Variants in NALF1 observed in about 807,000 individuals in gnomAD.
The protein encoded by NALF1 is NALCN channel auxiliary factor 1.
Under a neutral mutation model 48.4 loss-of-function variants are expected in NALF1, and 3 were observed. The ratio of observed to expected loss-of-function variants is 0.06; its 90% CI spans 0.03 to 0.16. The LOEUF is 0.16. Among genes scored for constraint, NALF1 ranks in the 10% least tolerant of loss-of-function variants. The pLI is 1.00. For synonymous variants in NALF1, 262 were observed against 245.7 expected, an observed-to-expected ratio of 1.07 and a Z score of -0.62; for missense variants, 526 against 571.5, an observed-to-expected ratio of 0.92 and a Z score of 0.81.
At chr13:107,736,155 T>C (rs1054121375) in intron 1 of NALF1, among the ~76,000 whole-genome samples, 3 of 150,224 alleles carry the variant, frequency 2.0e-5, no homozygotes, top group Admixed American at 6.8e-5. Flanking sequence ...TCTCTGACAA[T>C]TGCACCAAGA....
At chr13:107,845,443 TAGTC>T (rs1425144149) in intron 1 of NALF1, among the ~76,000 whole-genome samples, 1 of 152,118 alleles carries the variant, frequency 6.6e-6, no homozygotes, top group Non-Finnish European at 1.5e-5. Flanking sequence ...ACCTCAGCCT[TAGTC>T]AGCTTGCCCA....
At chr13:107,427,665 AG>A (rs1216600087) in intron 1 of NALF1, among the ~76,000 whole-genome samples, 6 of 152,208 alleles carry the variant, frequency 3.9e-5, no homozygotes, top group Non-Finnish European at 8.8e-5. Flanking sequence ...TGAAACAAAA[AG>A]CTTGCATTGT....
chr13:107,535,222 A>C (rs919788549), intron 1 of NALF1, among the ~76,000 whole-genome samples: 7 of 152,096 alleles, frequency 4.6e-5, no homozygotes, highest in African/African-American at 1.7e-4. Context: ...ACTATGTTGA[A>C]TAGGAGTGGT....
chr13:107,376,093 G>A (rs11617046), intron 1 of NALF1, among the ~76,000 whole-genome samples: 44,630 of 151,986 alleles, frequency 0.29, 7,995 homozygotes, highest in Admixed American at 0.44. Context: ...CTCATCATTT[G>A]GACAATCAAG....
intron 1 of NALF1, among the ~76,000 whole-genome samples, chr13:107,854,439 A>G (rs1424430589): frequency 6.6e-6 from 1 of 152,204 alleles, no homozygotes; most frequent in African/African-American, 2.4e-5. Flanking sequence ...GCTGTTCACT[A>G]CGGCCGGAGA....
chr13:107,755,565 G>C (rs771574291), intron 1 of NALF1, among the ~76,000 whole-genome samples: 1 of 150,020 alleles, frequency 6.7e-6, no homozygotes, highest in Admixed American at 6.7e-5. Context: ...TTACATACTA[G>C]ATTCTAGAGG....
chr13:107,174,763 C>G (rs1878882503), intron 2 of NALF1, among the ~76,000 whole-genome samples: 1 of 152,062 alleles, frequency 6.6e-6, no homozygotes, highest in Admixed American at 6.6e-5. Flanking sequence ...GAGGGAGAAG[C>G]AGGATGTGGC....
intron 1 of NALF1, among the ~76,000 whole-genome samples, chr13:107,333,655 G>C (rs995447885): frequency 6.6e-6 from 1 of 152,190 alleles, no homozygotes; most frequent in Non-Finnish European, 1.5e-5. Context: ...GGCTGGATCT[G>C]GAAAAAGACC....
At chr13:107,565,540 AT>A (rs947382219) in intron 1 of NALF1, among the ~76,000 whole-genome samples, 1 of 152,240 alleles carries the variant, frequency 6.6e-6, no homozygotes, top group Non-Finnish European at 1.5e-5. Context: ...ACACGAAGAT[AT>A]TTTGAGAAGA....
At chr13:107,556,015 A>T (rs1877463478) in intron 1 of NALF1, among the ~76,000 whole-genome samples, 2 of 152,074 alleles carry the variant, frequency 1.3e-5, no homozygotes, top group African/African-American at 4.8e-5. Context: ...TCATATTCTA[A>T]ATCAATAAAT....
intron 1 of NALF1, among the ~76,000 whole-genome samples, chr13:107,293,983 T>G (rs1431549856): frequency 6.6e-6 from 1 of 152,220 alleles, no homozygotes; most frequent in Non-Finnish European, 1.5e-5. Flanking sequence ...GATTTCAGCT[T>G]GCCTTAGACC....
At chr13:107,817,860 T>C (rs1266110654) in intron 1 of NALF1, among the ~76,000 whole-genome samples, 2 of 152,176 alleles carry the variant, frequency 1.3e-5, no homozygotes, top group African/African-American at 4.8e-5. Context: ...TTTGTTTATT[T>C]GCATCATAGT....
chr13:107,224,307 A>C (rs1880056670), intron 1 of NALF1, among the ~76,000 whole-genome samples: 1 of 151,750 alleles, frequency 6.6e-6, no homozygotes, highest in African/African-American at 2.4e-5. Flanking sequence ...AACATGTAAT[A>C]AAATCTGGTC....
intron 1 of NALF1, among the ~76,000 whole-genome samples, chr13:107,227,208 G>A (rs928839387): frequency 5.3e-5 from 8 of 152,128 alleles, no homozygotes; most frequent in Non-Finnish European, 8.8e-5. Context: ...CCCGCATTTC[G>A]GCTGCCTTGA....
chr13:107,196,437 T>TA (rs1879394820), intron 2 of NALF1, among the ~76,000 whole-genome samples: 1 of 152,132 alleles, frequency 6.6e-6, no homozygotes. Context: ...TAGAAACAAT[T>TA]AGAGTGTTCA....
At chr13:107,406,435 A>C (rs1219371076) in intron 1 of NALF1, among the ~76,000 whole-genome samples, 2 of 151,990 alleles carry the variant, frequency 1.3e-5, no homozygotes, top group African/African-American at 4.8e-5. Flanking sequence ...CATAAAGTTA[A>C]ATACCTGGGA....
At chr13:107,387,948 T>C (rs548866603) in intron 1 of NALF1, among the ~76,000 whole-genome samples, 1 of 152,226 alleles carries the variant, frequency 6.6e-6, no homozygotes, top group Non-Finnish European at 1.5e-5. Context: ...TTCTCACTCA[T>C]TAAAATGTAC....
Position 107,341,060 on chromosome 13 carries a change from C to T in NALF1, c.916-130305G>A, listed in dbSNP as rs139172210. ...TCACCCCCCACCGCCCCCGCCGCCC[C>T]GAACACTTGCATATATCTTTCTTTG... On this transcript the variant is annotated intron_variant, in intron 1 of 2. Transcript: ENST00000375915. 5.7e-4 allele frequency among the ~76,000 whole-genome samples: 86 copies of T among 152,076 alleles called. 2 individuals are homozygous for T. Among genetic ancestry groups the T allele is most frequent in the East Asian group, 4.9e-3 (25 of 5,144 alleles).
chr13:107,586,150 A>G (rs1878450403), intron 1 of NALF1, among the ~76,000 whole-genome samples: 1 of 152,110 alleles, frequency 6.6e-6, no homozygotes, highest in South Asian at 2.1e-4. Flanking sequence ...GGTACCTCAT[A>G]GAATTGTGGC....
Sources: gnomAD v4.1 joint callset for allele counts (sites outside exome capture counted in the v4.1 genomes callset) on GRCh38, gnomAD v4.1.1 for gene constraint, MANE v1.5 for transcripts, NCBI Gene and HGNC (gene_info 2026-07-23, HGNC 2026-07-21) for gene names.